IGF2BP2: variants seen among roughly 807,000 people sequenced by gnomAD.
IGF2BP2 encodes the protein insulin like growth factor 2 mRNA binding protein 2, also known as insulin-like growth factor 2 mRNA-binding protein 2.
IGF2BP2 carries 17 observed loss-of-function variants against 75.8 expected under a neutral mutation model. The ratio of observed to expected loss-of-function variants is 0.22; its 90% CI spans 0.15 to 0.34. The LOEUF (loss-of-function observed/expected upper bound fraction) is 0.34, where lower values mean the gene tolerates loss of function less well. Among genes scored for constraint, IGF2BP2 ranks in the 10% least tolerant of loss-of-function variants. The pLI, the probability that IGF2BP2 is intolerant of heterozygous loss-of-function variation, is 1.00. For synonymous variants in IGF2BP2, 288 were observed against 295.6 expected (o/e 0.97, Z 0.26); for missense variants, 516 against 772.4 (o/e 0.67, Z 3.93).
chr3:185,651,562 C>G (rs1378789060), intron 13 of IGF2BP2, among the ~76,000 whole-genome samples: 1 of 152,080 alleles, frequency 6.6e-6, no homozygotes, highest in Non-Finnish European at 1.5e-5. Flanking sequence ...TTCCTCTTCT[C>G]AGCTAAATTT....
intron 1 of IGF2BP2, among the ~76,000 whole-genome samples, chr3:185,824,441 C>G (rs992241204): frequency 1.7e-5 from 2 of 120,690 alleles, no homozygotes; most frequent in African/African-American, 6.6e-5. Flanking sequence ...AGGGGACGCT[C>G]AAAGGGTGGG....
Position 185,644,055 on chromosome 3 carries a change from G to C in IGF2BP2, c.*1476C>G, listed in dbSNP as rs1438639172. On this transcript the variant is annotated 3_prime_UTR_variant, in exon 16 of 16. Coordinates refer to ENST00000382199, the MANE Select transcript of IGF2BP2 (RefSeq NM_006548.6). The stretch of plus-strand genomic sequence containing the variant: ...TTCTTGGCTAGCGGAAGACAATTCA[G>C]AACAGCTGTTGCACACTTGGACTGT... 2.0e-5 allele frequency: 3 copies of C among 151,862 alleles called. No homozygotes were observed. The highest frequency in any genetic ancestry group is 4.4e-5 in the Non-Finnish European group (3 of 67,934). The allele number at this position is 151,862 out of a possible 1,614,324, so 9.4% of individuals were successfully genotyped here.
chr3:185,734,694 C>CT (rs1728627707), intron 2 of IGF2BP2, among the ~76,000 whole-genome samples: 1 of 152,216 alleles, frequency 6.6e-6, no homozygotes, highest in South Asian at 2.1e-4. Flanking sequence ...AATTTTCCTG[C>CT]TTACAGCAGG....
intron 10 of IGF2BP2, among the ~76,000 whole-genome samples, chr3:185,665,545 GAGAAGGAGGAGGAGAAGGAGAAGGAGA>G (rs1717396872): frequency 7.4e-6 from 1 of 134,440 alleles, no homozygotes; most frequent in South Asian, 2.5e-4. Context: ...GGAGGAGGAG[GAGAAGGAGGAGGAGAAGGAGAAGGAGA>G]AGAAGGAGAA....
intron 13 of IGF2BP2, 89 bp downstream of exon 13, chr3:185,652,005 G>A (rs1216633630): frequency 4.2e-6 from 4 of 960,418 alleles, no homozygotes; most frequent in South Asian, 1.9e-5. Context: ...AATGGAGGCT[G>A]GGCCTCCAAA....
intron 2 of IGF2BP2, among the ~76,000 whole-genome samples, chr3:185,715,432 C>A (rs1725446489): frequency 6.6e-6 from 1 of 152,196 alleles, no homozygotes; most frequent in African/African-American, 2.4e-5. Context: ...CAGTACACGC[C>A]AGGTAAACAC....
chr3:185,692,926 G>C, intron 4 of IGF2BP2, 164 bp from the exon 5 acceptor site: 1 of 610,810 alleles, frequency 1.6e-6, no homozygotes, highest in South Asian at 2.2e-5. Flanking sequence ...ACAGTAATTT[G>C]TAATCAATTG....
At chr3:185,791,121 G>C (rs530289333) in intron 2 of IGF2BP2, among the ~76,000 whole-genome samples, 1 of 152,316 alleles carries the variant, frequency 6.6e-6, no homozygotes, top group South Asian at 2.1e-4. Context: ...TCTCCCACCA[G>C]GCTGTCTAAA....
intron 2 of IGF2BP2, among the ~76,000 whole-genome samples, chr3:185,741,794 G>A (rs1729587380): frequency 1.3e-5 from 2 of 152,208 alleles, no homozygotes; most frequent in Non-Finnish European, 2.9e-5. Context: ...GAGCAAGCAC[G>A]AGGTAAGCAT....
chr3:185,753,765 T>G (rs542886219), intron 2 of IGF2BP2, among the ~76,000 whole-genome samples: 1 of 152,210 alleles, frequency 6.6e-6, no homozygotes, highest in African/African-American at 2.4e-5. Flanking sequence ...AAAGCTCATG[T>G]TGAAATGTGA....
At chr3:185,813,311 A>G (rs1740159786) in intron 2 of IGF2BP2, among the ~76,000 whole-genome samples, 1 of 152,234 alleles carries the variant, frequency 6.6e-6, no homozygotes, top group African/African-American at 2.4e-5. Flanking sequence ...CTATTCCTTA[A>G]AAGGGAGAAT....
chr3:185,743,810 T>C (rs1195416543), intron 2 of IGF2BP2, among the ~76,000 whole-genome samples: 2 of 152,204 alleles, frequency 1.3e-5, no homozygotes, highest in Admixed American at 6.5e-5. Context: ...ATTCTGGCTT[T>C]GGTGAAATCA....
chr3:185,681,808 GA>G (rs1283330017), intron 7 of IGF2BP2, among the ~76,000 whole-genome samples: 1 of 152,192 alleles, frequency 6.6e-6, no homozygotes, highest in Non-Finnish European at 1.5e-5. Flanking sequence ...GAGACCACTA[GA>G]TGGGGAAAGA....
intron 2 of IGF2BP2, chr3:185,712,738 A>C (rs534123533): frequency 2.6e-5 from 4 of 152,220 alleles, no homozygotes; most frequent in South Asian, 2.1e-4. Flanking sequence ...AAAAAAAAAA[A>C]CAATAATCTC....
chr3:185,787,715 A>G (rs1424444158), intron 2 of IGF2BP2, among the ~76,000 whole-genome samples: 1 of 148,782 alleles, frequency 6.7e-6, no homozygotes, highest in Non-Finnish European at 1.5e-5. Context: ...CCTGGGCAAC[A>G]GAGTGAGACT....
In IGF2BP2 at chr3:185,802,176, T is replaced by C. The variant is rs76838128; in HGVS notation, c.239+20977A>G. On this transcript the variant is annotated intron_variant, in intron 2 of 15. Transcript: ENST00000382199. ...GCACATGTATCCCAGAACTTAAAATTAGAAAAAAAAAAGAAATCTGGAAGG... is the reference window on the plus strand; with the variant it reads ...GCACATGTATCCCAGAACTTAAAATCAGAAAAAAAAAAGAAATCTGGAAGG... Among the ~76,000 whole-genome samples, 959 of 151,044 alleles carry C rather than the reference T, an allele frequency of 6.3e-3. 6 individuals carry two copies. The highest frequency in any genetic ancestry group is 0.01 in the Non-Finnish European group (699 of 67,770).
intron 2 of IGF2BP2, among the ~76,000 whole-genome samples, chr3:185,811,832 C>CTCTCTCTCTG (rs1739893213): frequency 5.8e-5 from 2 of 34,730 alleles, no homozygotes; most frequent in Admixed American, 7.2e-4. Flanking sequence ...AGTAGGGTGT[C>CTCTCTCTCTG]TCTCTCTCTC....
chr3:185,820,045 C>T (rs1010480078), intron 2 of IGF2BP2, among the ~76,000 whole-genome samples: 1 of 152,000 alleles, frequency 6.6e-6, no homozygotes, highest in Non-Finnish European at 1.5e-5. Context: ...ATACTATTCA[C>T]ACCATCTCAG....
chr3:185,823,943 G>A (rs982802834), intron 1 of IGF2BP2, among the ~76,000 whole-genome samples: 1 of 151,892 alleles, frequency 6.6e-6, no homozygotes, highest in Admixed American at 6.5e-5. Flanking sequence ...CTCTTTCCCG[G>A]TTCTCAACCC....
Sources: allele counts gnomAD v4.1 joint callset (sites outside exome capture counted in the v4.1 genomes callset), GRCh38; gene constraint gnomAD v4.1.1; transcripts MANE v1.5; gene names NCBI Gene and HGNC (gene_info 2026-07-23, HGNC 2026-07-21).